CBX5: variants seen among roughly 807,000 people sequenced by gnomAD.
The protein encoded by CBX5 is chromobox protein homolog 5.
CBX5 carries 7 observed loss-of-function variants against 20.7 expected under a neutral mutation model. The observed-to-expected ratio is 0.34, with a 90% CI of 0.19 to 0.63. The LOEUF (loss-of-function observed/expected upper bound fraction) is 0.63, where lower values mean the gene tolerates loss of function less well. CBX5 is among the 30% of genes least tolerant of loss of function. The probability of loss-of-function intolerance (pLI) is 0.75; values close to 1 mark genes in which losing one functional copy is unlikely to be tolerated. For synonymous variants in CBX5, 78 were observed against 77.0 expected (o/e 1.01, Z -0.07); for missense variants, 110 against 224.1 (o/e 0.49, Z 3.25).
chr12:54,273,275 T>A (rs939458975), intron 1 of CBX5: 2 of 152,036 alleles, frequency 1.3e-5, no homozygotes, highest in Non-Finnish European at 2.9e-5. Context: ...AAATCCTGTC[T>A]CTATCAAAAA....
chr12:54,275,518 G>A (rs1277846705), intron 1 of CBX5, among the ~76,000 whole-genome samples: 2 of 152,042 alleles, frequency 1.3e-5, no homozygotes, highest in Non-Finnish European at 2.9e-5. Flanking sequence ...TGGGATTACA[G>A]GCATAAGCCA....
intron 1 of CBX5, among the ~76,000 whole-genome samples, chr12:54,263,728 A>G (rs1026234039): frequency 5.6e-5 from 8 of 142,050 alleles, no homozygotes; most frequent in African/African-American, 2.1e-4. Flanking sequence ...GCGCCACTGC[A>G]CTCCAGCCTG....
intron 4 of CBX5, among the ~76,000 whole-genome samples, chr12:54,244,332 G>A (rs780695285): frequency 1.3e-5 from 2 of 151,720 alleles, no homozygotes; most frequent in Non-Finnish European, 2.9e-5. Context: ...AACTTTTAAG[G>A]TAACATGTTT....
At chr12:54,261,621 C>A (rs1943916685) in intron 1 of CBX5, among the ~76,000 whole-genome samples, 1 of 152,102 alleles carries the variant, frequency 6.6e-6, no homozygotes, top group Non-Finnish European at 1.5e-5. Context: ...CAAAAGATTT[C>A]CTCAGATTTG....
At chr12:54,246,861 T>A (rs553473669) in intron 3 of CBX5, among the ~76,000 whole-genome samples, 1 of 151,124 alleles carries the variant, frequency 6.6e-6, no homozygotes, top group African/African-American at 2.4e-5. Context: ...CTAATCCCAC[T>A]CACTTGGAAT....
chr12:54,255,052 G>C (rs1042740467), intron 2 of CBX5, among the ~76,000 whole-genome samples: 2 of 152,132 alleles, frequency 1.3e-5, no homozygotes, highest in African/African-American at 4.8e-5. Flanking sequence ...CCTATAATGC[G>C]ATTATCCCTT....
chr12:54,279,758 G>C (rs113996356), intron 1 of CBX5, among the ~76,000 whole-genome samples: 4 of 152,166 alleles, frequency 2.6e-5, no homozygotes, highest in African/African-American at 9.7e-5. Flanking sequence ...CCCAAGGGCC[G>C]ATCAGTCGGC....
intron 4 of CBX5, 37 bp downstream of exon 4, chr12:54,246,077 AG>A (rs753367997): frequency 6.5e-5 from 91 of 1,400,272 alleles, no homozygotes; most frequent in Non-Finnish European, 7.0e-5. Flanking sequence ...TCACTGGCAA[AG>A]AAACACAATT....
At chr12:54,247,639 A>C (rs1312121262) in intron 3 of CBX5, among the ~76,000 whole-genome samples, 2 of 152,168 alleles carry the variant, frequency 1.3e-5, no homozygotes, top group Non-Finnish European at 2.9e-5. Context: ...ATGTGTAGTA[A>C]CACTGATGAG....
chr12:54,241,507 G>A lies in CBX5; in HGVS notation c.*248C>T, dbSNP rs61921429. 4.8e-6 allele frequency: 2 copies of A among 413,574 alleles called. No individual in the cohort carries two copies. The highest frequency in any genetic ancestry group is 4.3e-5 in the East Asian group (1 of 23,414). The allele number at this position is 413,574 out of a possible 1,614,324, so 25.6% of individuals were successfully genotyped here. On this transcript the variant is annotated 3_prime_UTR_variant, in exon 5 of 5. Transcript: ENST00000209875. ...AGCAGAAGGAAGAGATCAGGGCAAAGGAAAAAAAAATTGTGGGTATTACAC... is the reference window on the plus strand; with the variant it reads ...AGCAGAAGGAAGAGATCAGGGCAAAAGAAAAAAAAATTGTGGGTATTACAC...
At position 54,241,613 on chromosome 12, in the gene CBX5, C is replaced by A. The variant is rs1372585161; in HGVS notation, c.*142G>T. 3 of 716,372 alleles carry A rather than the reference C, an allele frequency of 4.2e-6. No homozygotes were observed. The highest frequency in any genetic ancestry group is 7.0e-6 in the Non-Finnish European group (3 of 430,696). The allele number at this position is 716,372 out of a possible 1,614,324, so 44.4% of individuals were successfully genotyped here. A position where few individuals can be genotyped will look rare whatever the true frequency, so the allele number is the denominator to read the frequency against. On this transcript the variant is annotated 3_prime_UTR_variant, in exon 5 of 5. Coordinates refer to ENST00000209875, the MANE Select transcript of CBX5 (RefSeq NM_012117.3). ...CAGTTATGTTACAAGAGAACCAATACCAACATTTCTCCTGTGGAGCACAGT... is the reference window on the plus strand; with the variant it reads ...CAGTTATGTTACAAGAGAACCAATAACAACATTTCTCCTGTGGAGCACAGT...
At chr12:54,260,180 A>C (rs982409970) in intron 1 of CBX5, among the ~76,000 whole-genome samples, 15 of 149,280 alleles carry the variant, frequency 1.0e-4, no homozygotes, top group Admixed American at 4.0e-4. Flanking sequence ...AAAAAAAAAA[A>C]CCCCTTTTAA....
rs1592151063 is a variant in CBX5, at chr12:54,235,218, C to T, written c.*6537G>A. ...TCCTTACGATCAGACTGTTTCTTAA[C>T]CCAGCTACGCTTCGATGATTAAATC... On this transcript the variant is annotated 3_prime_UTR_variant, in exon 5 of 5. Transcript: ENST00000209875. 1 of 152,304 alleles carries T rather than the reference C, an allele frequency of 6.6e-6. No individual in the cohort carries two copies. The highest frequency in any genetic ancestry group is 2.1e-4 in the South Asian group (1 of 4,826). 9.4% of individuals were successfully genotyped at this position (152,304 alleles called of 1,614,324 possible). A position where few individuals can be genotyped will look rare whatever the true frequency, so the allele number is the denominator to read the frequency against.
chr12:54,273,768 T>C (rs558653538), intron 1 of CBX5: 6 of 152,336 alleles, frequency 3.9e-5, no homozygotes, highest in African/African-American at 7.2e-5. Context: ...AATATCTTGA[T>C]TGCAGACTTC....
At chr12:54,277,039 C>CT (rs766924528) in intron 1 of CBX5, 7 of 151,802 alleles carry the variant, frequency 4.6e-5, no homozygotes, top group East Asian at 3.9e-4. Context: ...GTGGTAAAAA[C>CT]TTTTTTTTTC....
chr12:54,270,446 A>C (rs1169274730), intron 1 of CBX5, among the ~76,000 whole-genome samples: 1 of 151,656 alleles, frequency 6.6e-6, no homozygotes, highest in Non-Finnish European at 1.5e-5. Flanking sequence ...GATACTTTTT[A>C]ATTTTTTCTA....
intron 1 of CBX5, among the ~76,000 whole-genome samples, chr12:54,270,150 CTTGT>C (rs1472256568): frequency 2.0e-5 from 3 of 151,920 alleles, no homozygotes; most frequent in South Asian, 2.1e-4. Context: ...TTACTATTTT[CTTGT>C]TTATTTTGGA....
chr12:54,259,746 T>A (rs933917618), intron 1 of CBX5, among the ~76,000 whole-genome samples: 2 of 152,244 alleles, frequency 1.3e-5, no homozygotes, highest in Non-Finnish European at 2.9e-5. Flanking sequence ...GTGGAGAAAT[T>A]GGAAGGTACC....
chr12:54,274,173 T>C (rs1944037598), intron 1 of CBX5: 1 of 152,224 alleles, frequency 6.6e-6, no homozygotes, highest in Admixed American at 6.5e-5. Context: ...GTTGTCACAG[T>C]GGGTGTTCTT....
Sources: allele counts gnomAD v4.1 joint callset (sites outside exome capture counted in the v4.1 genomes callset), GRCh38; gene constraint gnomAD v4.1.1; transcripts MANE v1.5; gene names NCBI Gene and HGNC (gene_info 2026-07-23, HGNC 2026-07-21).